The following SREK1IP1 variants were observed in gnomAD, a reference collection of about 807,000 sequenced individuals.
SREK1IP1 encodes SREK1 interacting protein 1.
In SREK1IP1, 12 loss-of-function variants were observed where a neutral mutation model predicts 22.8. The ratio of observed to expected loss-of-function variants is 0.53; its 90% CI spans 0.34 to 0.85. The LOEUF is 0.85. Ranked by LOEUF, SREK1IP1 falls within the 40% of genes least tolerant of loss-of-function variation. The probability of loss-of-function intolerance (pLI) is 0.02; values close to 1 mark genes in which losing one functional copy is unlikely to be tolerated. For missense variants in SREK1IP1, 147 were observed against 171.8 expected, an observed-to-expected ratio of 0.86 and a Z score of 0.81; for synonymous variants, 53 against 52.7, an observed-to-expected ratio of 1.01 and a Z score of -0.02.
intron 1 of SREK1IP1, among the ~76,000 whole-genome samples, chr5:64,756,106 T>C (rs1321711215): frequency 1.3e-5 from 2 of 152,142 alleles, no homozygotes; most frequent in Non-Finnish European, 2.9e-5. Flanking sequence ...CAGGCAATGC[T>C]AAAGATATAG....
chr5:64,756,015 A>G (rs916067951), intron 1 of SREK1IP1, among the ~76,000 whole-genome samples: 2 of 152,170 alleles, frequency 1.3e-5, no homozygotes, highest in African/African-American at 4.8e-5. Context: ...TTTTGACAAG[A>G]GAAAACAAAC....
At chr5:64,752,170 T>TTTTTTG (rs1742757013) in intron 2 of SREK1IP1, among the ~76,000 whole-genome samples, 1 of 144,676 alleles carries the variant, frequency 6.9e-6, no homozygotes, top group Admixed American at 6.9e-5. Context: ...TTTTTTTTTT[T>TTTTTTG]AGATGGAGTC....
chr5:64,743,652 C>T (rs1371267267), intron 2 of SREK1IP1, among the ~76,000 whole-genome samples: 1 of 151,994 alleles, frequency 6.6e-6, no homozygotes, highest in Admixed American at 6.6e-5. Context: ...TGGGCATGCA[C>T]CAGGTTTTCT....
intron 1 of SREK1IP1, among the ~76,000 whole-genome samples, chr5:64,760,693 C>T (rs1742936872): frequency 6.6e-6 from 1 of 152,224 alleles, no homozygotes. Context: ...GAGTGTGCCT[C>T]TGACCTAACT....
rs1742419855 is a variant in SREK1IP1 at position 64,734,098 on chromosome 5, T to C, written c.206-5919A>G. 2.0e-5 allele frequency among the ~76,000 whole-genome samples: 3 copies of C among 152,222 alleles called. No individual in the cohort carries two copies. In the East Asian group the frequency reaches 5.8e-4, roughly 29 times the overall value. On this transcript the variant is annotated intron_variant, in intron 3 of 4. Transcript: ENST00000513458. ...TTGAAACTGTAGTTTTCGAAGATGT[T>C]ACCATTGAGGGAAACCAGGTAAGGG...
intron 3 of SREK1IP1, among the ~76,000 whole-genome samples, chr5:64,732,493 T>C (rs1323251250): frequency 6.6e-6 from 1 of 152,108 alleles, no homozygotes; most frequent in Non-Finnish European, 1.5e-5. Context: ...CAAAAAAGTA[T>C]ATAAAAGATG....
Position 64,719,724 on chromosome 5 carries a change from G to A in SREK1IP1, c.*4660C>T, listed in dbSNP as rs1316383913. ...CCTCCCAATTTGTGGGAAAGGCATA[G>A]TGGGGTCAGGCATGACTGGATGCAT... On this transcript the variant is annotated 3_prime_UTR_variant, in exon 5 of 5. Transcript: ENST00000513458. The A allele has an allele frequency of 2.0e-5, 3 of 152,212 alleles. No homozygotes were observed. Among genetic ancestry groups the A allele is most frequent in the Non-Finnish European group, 4.4e-5 (3 of 68,042 alleles). The allele number at this position is 152,212 out of a possible 1,614,324, so 9.4% of individuals were successfully genotyped here. A position where few individuals can be genotyped will look rare whatever the true frequency, so the allele number is the denominator to read the frequency against.
At chr5:64,753,379 T>C (rs1242960520) in intron 2 of SREK1IP1, among the ~76,000 whole-genome samples, 1 of 152,256 alleles carries the variant, frequency 6.6e-6, no homozygotes, top group East Asian at 1.9e-4. Context: ...AAAGATTTCA[T>C]TGCACTCATT....
chr5:64,752,626 G>A (rs1447987073), intron 2 of SREK1IP1, among the ~76,000 whole-genome samples: 1 of 151,964 alleles, frequency 6.6e-6, no homozygotes, highest in Non-Finnish European at 1.5e-5. Flanking sequence ...TCTTTAAATT[G>A]TACAATCTGA....
At chr5:64,736,822 A>C (rs889322033) in intron 3 of SREK1IP1, among the ~76,000 whole-genome samples, 1 of 150,738 alleles carries the variant, frequency 6.6e-6, no homozygotes, top group Admixed American at 6.6e-5. Context: ...AGGAAAAAAA[A>C]CCTCTTCATT....
Position 64,724,439 on chromosome 5 carries a change from C to A in SREK1IP1, c.413G>T (p.Arg138Ile). 1 of 1,584,388 alleles carries A rather than the reference C, an allele frequency of 6.3e-7. No individual in the cohort carries two copies. Among genetic ancestry groups the A allele is most frequent in the East Asian group, 2.2e-5 (1 of 44,492 alleles). Reference protein sequence around the residue: ...GKHHKKEKKKRKKEKHSSTPN... With the variant: ...GKHHKKEKKKIKKEKHSSTPN... The stretch of plus-strand genomic sequence containing the variant: ...TGTAGAAGAATGCTTTTCCTTTTTT[C>A]TCTTCTTTTTTTCCTTTTTGTGATG... The change falls in exon 5 of 5, where the codon AGA becomes ATA. Residue 138 changes from arginine to isoleucine, a missense_variant. Physicochemically the swap from Arg to Ile is moderately conservative, Grantham distance 97 (BLOSUM62 -3). Around this residue, in one of 3 missense-constraint regions of SREK1IP1, gnomAD observed 82 missense variants for 81.7 expected, o/e 1.00. Coordinates refer to ENST00000513458, the MANE Select transcript of SREK1IP1 (RefSeq NM_173829.4).
intron 3 of SREK1IP1, among the ~76,000 whole-genome samples, chr5:64,739,706 G>T (rs546490956): frequency 6.6e-5 from 10 of 151,942 alleles, no homozygotes; most frequent in African/African-American, 1.9e-4. Flanking sequence ...CATTTTAGTG[G>T]TATTTCAGTA....
At chr5:64,763,738 C>T (rs772460399) in intron 1 of SREK1IP1, among the ~76,000 whole-genome samples, 2 of 152,100 alleles carry the variant, frequency 1.3e-5, no homozygotes, top group Non-Finnish European at 2.9e-5. Flanking sequence ...ACTTTGAACT[C>T]GATGTTAGAG....
intron 3 of SREK1IP1, among the ~76,000 whole-genome samples, chr5:64,732,627 C>T (rs1742399124): frequency 6.6e-6 from 1 of 152,100 alleles, no homozygotes; most frequent in Non-Finnish European, 1.5e-5. Flanking sequence ...CCATTCTCCC[C>T]AAACTGATAT....
intron 2 of SREK1IP1, among the ~76,000 whole-genome samples, 181 bp downstream of exon 2, chr5:64,754,134 A>C (rs1053321989): frequency 2.6e-5 from 4 of 152,190 alleles, no homozygotes; most frequent in Non-Finnish European, 4.4e-5. Context: ...ACTGGGTCTA[A>C]AGCAGGGAAG....
chr5:64,742,171 T>A (rs982090805), intron 2 of SREK1IP1, among the ~76,000 whole-genome samples: 10 of 152,208 alleles, frequency 6.6e-5, no homozygotes, highest in Non-Finnish European at 1.3e-4. Context: ...TTTGCTCATT[T>A]TATCTAATCG....
intron 2 of SREK1IP1, among the ~76,000 whole-genome samples, chr5:64,747,760 A>G (rs1742665457): frequency 6.6e-6 from 1 of 152,010 alleles, no homozygotes. Flanking sequence ...AACCTCGTCT[A>G]TACTAAAAAT....
intron 3 of SREK1IP1, among the ~76,000 whole-genome samples, chr5:64,728,976 A>G (rs2112087502): frequency 6.6e-6 from 1 of 152,272 alleles, no homozygotes; most frequent in Non-Finnish European, 1.5e-5. Context: ...GTGGATCATG[A>G]GGTCAGAAAT....
At chr5:64,747,472 T>C (rs974857650) in intron 2 of SREK1IP1, among the ~76,000 whole-genome samples, 7 of 152,158 alleles carry the variant, frequency 4.6e-5, no homozygotes, top group Non-Finnish European at 8.8e-5. Context: ...AGAAGCTCTG[T>C]GTCAAGAACC....
Sources: allele counts gnomAD v4.1 joint callset (sites outside exome capture counted in the v4.1 genomes callset), GRCh38; gene constraint gnomAD v4.1.1; regional missense constraint gnomAD v4.1.1; transcripts MANE v1.5; gene names NCBI Gene and HGNC (gene_info 2026-07-23, HGNC 2026-07-21).